DYRK1A: variants seen among roughly 807,000 people sequenced by gnomAD.
DYRK1A encodes the protein dual specificity tyrosine phosphorylation regulated kinase 1A, also known as dual specificity tyrosine-phosphorylation-regulated kinase 1A.
DYRK1A carries 9 observed loss-of-function variants against 79.7 expected under a neutral mutation model. The ratio of observed to expected loss-of-function variants is 0.11; its 90% CI spans 0.07 to 0.20. The LOEUF (loss-of-function observed/expected upper bound fraction) is 0.20. Ranked by LOEUF, DYRK1A falls within the 10% of genes least tolerant of loss-of-function variation. DYRK1A has a pLI of 1.00. For missense variants in DYRK1A, 622 were observed against 956.0 expected, an observed-to-expected ratio of 0.65 and a Z score of 4.61; for synonymous variants, 349 against 329.7, an observed-to-expected ratio of 1.06 and a Z score of -0.63.
chr21:37,506,467 G>A, intron 11 of DYRK1A: 2 of 1,205,090 alleles, frequency 1.7e-6, no homozygotes, highest in Non-Finnish European at 2.3e-6. Flanking sequence ...TTTTTTTCCT[G>A]TGTTTATCTC....
rs2053842927 is a variant in DYRK1A at position 37,514,427 on chromosome 21, A to G, written c.*1896A>G. The G allele has an allele frequency of 6.5e-6, 1 of 152,688 alleles. No homozygotes were observed. The highest frequency in any genetic ancestry group is 6.5e-5 in the Admixed American group (1 of 15,288). The allele number at this position is 152,688 out of a possible 1,614,324, so 9.5% of individuals were successfully genotyped here. The stretch of plus-strand genomic sequence containing the variant: ...AGGATCAAAAGAAGCCTAGAAAAGA[A>G]GCAGTAATCTACCTCTGCCGATAAC... On this transcript the variant is annotated 3_prime_UTR_variant, in exon 12 of 12. Transcript: ENST00000647188.
intron 5 of DYRK1A, among the ~76,000 whole-genome samples, chr21:37,485,231 G>T (rs539955684): frequency 6.1e-4 from 93 of 152,136 alleles, no homozygotes; most frequent in Non-Finnish European, 1.2e-3. Context: ...GCCCACATGA[G>T]TGTCCTTTAT....
intron 6 of DYRK1A, among the ~76,000 whole-genome samples, chr21:37,489,260 G>C (rs1442602504): frequency 6.6e-6 from 1 of 152,134 alleles, no homozygotes; most frequent in East Asian, 1.9e-4. Flanking sequence ...GGTGTTTTAT[G>C]TCATTGCAGT....
chr21:37,368,788 G>A (rs891144764), intron 1 of DYRK1A, among the ~76,000 whole-genome samples: 1 of 152,102 alleles, frequency 6.6e-6, no homozygotes, highest in Non-Finnish European at 1.5e-5. Flanking sequence ...GAATCATTAG[G>A]GTGTAACTCA....
rs182381202 is a variant in DYRK1A at position 37,515,308 on chromosome 21, G to C, written c.*2777G>C. 1 of 152,730 alleles carries C rather than the reference G, an allele frequency of 6.5e-6. No individual in the cohort carries two copies. The highest frequency in any genetic ancestry group is 6.5e-5 in the Admixed American group (1 of 15,284). The allele number at this position is 152,730 out of a possible 1,614,324, so 9.5% of individuals were successfully genotyped here. A position where few individuals can be genotyped will look rare whatever the true frequency, so the allele number is the denominator to read the frequency against. ...AAAGTTGAGTTAAATGTGTAAAAAG[G>C]AAACTATTTGAGATACATTGACATA... On this transcript the variant is annotated 3_prime_UTR_variant, in exon 12 of 12. Transcript: ENST00000647188.
At chr21:37,420,045 A>G (rs759873472) in intron 1 of DYRK1A, 1 of 189,586 alleles carries the variant, frequency 5.3e-6, no homozygotes, top group Non-Finnish European at 1.1e-5. Context: ...AAATACCTGA[A>G]ATTTTCCGTG....
intron 2 of DYRK1A, among the ~76,000 whole-genome samples, chr21:37,444,515 T>C (rs1267156084): frequency 5.9e-5 from 9 of 152,172 alleles, no homozygotes; most frequent in African/African-American, 2.2e-4. Flanking sequence ...AGAATTTGCC[T>C]CTGTCCCCAT....
intron 2 of DYRK1A, among the ~76,000 whole-genome samples, chr21:37,452,641 T>C (rs535234313): frequency 6.6e-6 from 1 of 151,964 alleles, no homozygotes; most frequent in Non-Finnish European, 1.5e-5. Flanking sequence ...TTCCCTGTCA[T>C]AGGAGATGGG....
intron 1 of DYRK1A, among the ~76,000 whole-genome samples, chr21:37,403,201 T>A: frequency 6.6e-6 from 1 of 152,234 alleles, no homozygotes. Context: ...GAGTTTTCTT[T>A]TTGTTCTTTT....
chr21:37,409,975 A>G (rs1302818083), intron 1 of DYRK1A, among the ~76,000 whole-genome samples: 1 of 152,232 alleles, frequency 6.6e-6, no homozygotes, highest in African/African-American at 2.4e-5. Context: ...TACATTTTGT[A>G]TATTCTGTTA....
intron 8 of DYRK1A, among the ~76,000 whole-genome samples, chr21:37,493,380 G>A (rs191852927): frequency 6.6e-6 from 1 of 152,302 alleles, no homozygotes; most frequent in Admixed American, 6.5e-5. Flanking sequence ...ACTCATGAAG[G>A]AGAACAGTTA....
intron 2 of DYRK1A, among the ~76,000 whole-genome samples, chr21:37,453,509 A>G (rs1207556473): frequency 1.3e-5 from 2 of 152,192 alleles, no homozygotes; most frequent in Non-Finnish European, 2.9e-5. Context: ...GAGCTGGGAG[A>G]GAGAGAGGCG....
rs759594322 is a variant in DYRK1A at position 37,505,557 on chromosome 21, C to T, written c.1487C>T (p.Ser496Leu). 4 of 1,608,396 alleles carry T rather than the reference C, an allele frequency of 2.5e-6. No individual in the cohort carries two copies. Among genetic ancestry groups the T allele is most frequent in the Non-Finnish European group, 3.4e-6 (4 of 1,179,730 alleles). ...CCCGCCATGGAGCAGTCTCAGTCTT[C>T]GGGCACCACCTCCAGTACATCGTCA... Reference protein sequence around the residue: ...TSPAMEQSQSSGTTSSTSSSS... With the variant: ...TSPAMEQSQSLGTTSSTSSSS... Residue 496 changes from serine (S) to leucine (L), a missense_variant, in exon 10 of 12, where the codon TCG (serine) becomes TTG (leucine). Ser to Leu is a moderately radical substitution (Grantham distance 145, BLOSUM62 -2). This residue lies in a region of DYRK1A where 21 missense variants were observed against 62.5 expected (regional missense o/e 0.34). Transcript: ENST00000647188.
At chr21:37,394,792 G>A (rs1330352656) in intron 1 of DYRK1A, among the ~76,000 whole-genome samples, 1 of 152,128 alleles carries the variant, frequency 6.6e-6, no homozygotes, top group Admixed American at 6.5e-5. Context: ...GTGCCAAAAA[G>A]GTTATGGGAT....
intron 2 of DYRK1A, among the ~76,000 whole-genome samples, chr21:37,470,039 G>C (rs955027076): frequency 3.9e-5 from 6 of 152,184 alleles, no homozygotes; most frequent in Admixed American, 2.6e-4. Flanking sequence ...AGCTCCTCGG[G>C]AGGCTGAGGC....
At chr21:37,452,183 A>AGGG (rs1449703823) in intron 2 of DYRK1A, among the ~76,000 whole-genome samples, 1 of 151,210 alleles carries the variant, frequency 6.6e-6, no homozygotes, top group African/African-American at 2.4e-5. Flanking sequence ...TGACAGCAGT[A>AGGG]GGGGGAATAC....
chr21:37,380,124 T>A (rs1027039733), intron 1 of DYRK1A, among the ~76,000 whole-genome samples: 9 of 152,236 alleles, frequency 5.9e-5, no homozygotes, highest in Non-Finnish European at 1.3e-4. Flanking sequence ...AGAGTCCTTT[T>A]AACAGTTAAT....
Position 37,523,998 on chromosome 21 carries a change from TACA to T in DYRK1A, c.*11471_*11473del, listed in dbSNP as rs1444939601. ...TTGAATGCCACTTGTATTCCCATGC[TACA>T]ACATTTTATTTTTTATTACCAATAT... On this transcript the variant is annotated 3_prime_UTR_variant, in exon 12 of 12. Transcript: ENST00000647188. 1 of 152,232 alleles carries T rather than the reference TACA, an allele frequency of 6.6e-6. No homozygotes were observed. The allele number at this position is 152,232 out of a possible 1,614,324, so 9.4% of individuals were successfully genotyped here.
chr21:37,518,727 T>G lies in DYRK1A; in HGVS notation c.*6196T>G, dbSNP rs2053906024. On this transcript the variant is annotated 3_prime_UTR_variant, in exon 12 of 12. Coordinates refer to ENST00000647188, the MANE Select transcript of DYRK1A (RefSeq NM_001347721.2). ...ATTTCCCAGATTCAAGCGATTCTCGTGCCTCAGCCTTTCAAGTAGCTGGGA... is the reference window on the plus strand; with the variant it reads ...ATTTCCCAGATTCAAGCGATTCTCGGGCCTCAGCCTTTCAAGTAGCTGGGA... 6.6e-6 allele frequency: 1 copy of G among 151,540 alleles called. No individual in the cohort carries two copies. The highest frequency in any genetic ancestry group is 1.9e-4 in the East Asian group (1 of 5,144). The allele number at this position is 151,540 out of a possible 1,614,324, so 9.4% of individuals were successfully genotyped here.
Sources: allele counts gnomAD v4.1 joint callset (sites outside exome capture counted in the v4.1 genomes callset), GRCh38; gene constraint gnomAD v4.1.1; regional missense constraint gnomAD v4.1.1; transcripts MANE v1.5; gene names NCBI Gene and HGNC (gene_info 2026-07-23, HGNC 2026-07-21).